RAB22A: variants seen among roughly 807,000 people sequenced by gnomAD.
RAB22A encodes RAB22A, member RAS oncogene family, also known as ras-related protein Rab-22A.
RAB22A carries 13 observed loss-of-function variants against 30.2 expected under a neutral mutation model. The observed-to-expected ratio is 0.43, with a 90% CI of 0.28 to 0.68. RAB22A has a LOEUF of 0.68. RAB22A is among the 30% of genes least tolerant of loss of function. RAB22A has a pLI of 0.18. For synonymous variants in RAB22A, 89 were observed against 87.2 expected (o/e 1.02, Z -0.11); for missense variants, 177 against 246.8 (o/e 0.72, Z 1.89).
At chr20:58,343,967 G>A (rs1251232076) in intron 3 of RAB22A, among the ~76,000 whole-genome samples, 168 bp downstream of exon 3, 2 of 152,120 alleles carry the variant, frequency 1.3e-5, no homozygotes, top group Non-Finnish European at 2.9e-5. Context: ...TTCAATTAGA[G>A]CCACAGAGTC....
chr20:58,362,744 G>A lies in RAB22A; in HGVS notation c.*3041G>A, dbSNP rs1987247223. On this transcript the variant is annotated 3_prime_UTR_variant, in exon 7 of 7. Coordinates refer to ENST00000244040, the MANE Select transcript of RAB22A (RefSeq NM_020673.3). ...AGAATAAGTTTTACACGAAGCAGGTGAAAGATTTAGTTCTTTTCAAAGTAA... is the reference window on the plus strand; with the variant it reads ...AGAATAAGTTTTACACGAAGCAGGTAAAAGATTTAGTTCTTTTCAAAGTAA... 1 of 152,240 alleles carries A rather than the reference G, an allele frequency of 6.6e-6. No individual in the cohort carries two copies. Among genetic ancestry groups the A allele is most frequent in the African/African-American group, 2.4e-5 (1 of 41,468 alleles). 9.4% of individuals were successfully genotyped at this position (152,240 alleles called of 1,614,324 possible).
At chr20:58,318,572 C>G (rs1284567080) in intron 2 of RAB22A, among the ~76,000 whole-genome samples, 1 of 151,082 alleles carries the variant, frequency 6.6e-6, no homozygotes, top group African/African-American at 2.4e-5. Context: ...TTTCCAAAAT[C>G]GGAAACACTT....
Position 58,359,640 on chromosome 20 carries a change from A to T in RAB22A, c.522A>T (p.Pro174=). 1 of 1,612,784 alleles carries T rather than the reference A, an allele frequency of 6.2e-7. No homozygotes were observed. The highest frequency in any genetic ancestry group is 2.2e-5 in the East Asian group (1 of 44,848). ...RRIPSTDANL[P]SGGKGFKLRR... is the part of the protein sequence containing the mutation. Reference sequence around the variant, plus strand: ...TTCCATCCACTGACGCCAACCTGCCATCTGGCGGTAAGGGCTTCAAACTCC... The same window carrying T: ...TTCCATCCACTGACGCCAACCTGCCTTCTGGCGGTAAGGGCTTCAAACTCC... The change falls in exon 7 of 7, where the codon CCA becomes CCT. Residue 174 remains proline, a synonymous_variant. Coordinates refer to ENST00000244040, the MANE Select transcript of RAB22A (RefSeq NM_020673.3).
intron 2 of RAB22A, among the ~76,000 whole-genome samples, chr20:58,317,354 C>G (rs564905994): frequency 6.6e-6 from 1 of 151,308 alleles, no homozygotes; most frequent in African/African-American, 2.4e-5. Context: ...ACCTTGGCCT[C>G]CCAAAGTGCT....
rs144505235 is a variant in RAB22A, at chr20:58,323,334, G to T, written c.116+12212G>T. 6.9e-3 allele frequency among the ~76,000 whole-genome samples: 1,056 copies of T among 152,012 alleles called. 11 individuals carry two copies. Among genetic ancestry groups the T allele is most frequent in the African/African-American group, 0.022 (904 of 41,472 alleles). On this transcript the variant is annotated intron_variant, in intron 2 of 6. Coordinates refer to ENST00000244040, the MANE Select transcript of RAB22A (RefSeq NM_020673.3). ...AATTGAAGTTATATCCAGTAACCTTGCTGAATTTATTCACTAATTTATAGA... is the reference window on the plus strand; with the variant it reads ...AATTGAAGTTATATCCAGTAACCTTTCTGAATTTATTCACTAATTTATAGA...
At chr20:58,328,899 C>T (rs1264962983) in intron 2 of RAB22A, among the ~76,000 whole-genome samples, 4 of 152,144 alleles carry the variant, frequency 2.6e-5, no homozygotes, top group African/African-American at 9.7e-5. Flanking sequence ...ATTAGCATTA[C>T]CATTGCTCTT....
chr20:58,331,912 G>A (rs899000474), intron 2 of RAB22A, among the ~76,000 whole-genome samples: 3 of 152,116 alleles, frequency 2.0e-5, no homozygotes, highest in Non-Finnish European at 4.4e-5. Flanking sequence ...ATCTACCACT[G>A]AACTCCTCTT....
chr20:58,312,491 TTTTTTTTTTTTTTTTG>T (rs1986249162), intron 2 of RAB22A, among the ~76,000 whole-genome samples: 4 of 113,258 alleles, frequency 3.5e-5, no homozygotes, highest in South Asian at 3.3e-4. Flanking sequence ...TTTTTTTTTT[TTTTTTTTTTTTTTTTG>T]AGGTGGAGTC....
chr20:58,332,242 T>C (rs776202975), intron 2 of RAB22A, among the ~76,000 whole-genome samples: 1 of 152,208 alleles, frequency 6.6e-6, no homozygotes. Context: ...CAATAAGTGA[T>C]AGACCATTCA....
intron 3 of RAB22A, among the ~76,000 whole-genome samples, chr20:58,351,358 C>A (rs991432442): frequency 6.6e-6 from 1 of 151,396 alleles, no homozygotes; most frequent in Non-Finnish European, 1.5e-5. Flanking sequence ...GAAAAATGTG[C>A]AGTATATATT....
chr20:58,314,440 C>T (rs1307579331), intron 2 of RAB22A, among the ~76,000 whole-genome samples: 1 of 152,204 alleles, frequency 6.6e-6, no homozygotes, highest in Non-Finnish European at 1.5e-5. Flanking sequence ...TGACAGGGAC[C>T]TGACCTGGGC....
chr20:58,354,204 A>T lies in RAB22A; in HGVS notation c.426A>T (p.Ala142=). ...AGGACTACGCCGACTCTATTCATGC[A>T]ATTTTTGTAGAGACCAGCGCAAAAA... ...DAKDYADSIH[A]IFVETSAKNA... Residue 142 remains alanine (A), a synonymous_variant, in exon 6 of 7, where the codon GCA becomes GCT. Transcript: ENST00000244040. 6.2e-7 allele frequency: 1 copy of T among 1,613,970 alleles called. No individual in the cohort carries two copies. Among genetic ancestry groups the T allele is most frequent in the Non-Finnish European group, 8.5e-7 (1 of 1,179,860 alleles).
At chr20:58,327,944 G>C (rs1000550818) in intron 2 of RAB22A, among the ~76,000 whole-genome samples, 1 of 152,172 alleles carries the variant, frequency 6.6e-6, no homozygotes, top group Admixed American at 6.5e-5. Context: ...TTTTGAACTA[G>C]ATGTTTTGCC....
chr20:58,344,534 G>C (rs1363107067), intron 3 of RAB22A, among the ~76,000 whole-genome samples: 1 of 152,150 alleles, frequency 6.6e-6, no homozygotes, highest in Non-Finnish European at 1.5e-5. Flanking sequence ...TGGGTACTAA[G>C]TCCAATTTCC....
chr20:58,311,212 G>A, intron 2 of RAB22A, 90 bp downstream of exon 2: 1 of 1,204,958 alleles, frequency 8.3e-7, no homozygotes, highest in Non-Finnish European at 1.2e-6. Flanking sequence ...CCTGCGCTTT[G>A]TAGTCATTGA....
chr20:58,322,844 T>C (rs1986486729), intron 2 of RAB22A, among the ~76,000 whole-genome samples: 1 of 152,194 alleles, frequency 6.6e-6, no homozygotes, highest in African/African-American at 2.4e-5. Context: ...TTTCTATCCT[T>C]GTGCCATTGT....
chr20:58,314,375 T>C (rs1381489674), intron 2 of RAB22A, among the ~76,000 whole-genome samples: 2 of 152,182 alleles, frequency 1.3e-5, no homozygotes, highest in African/African-American at 4.8e-5. Context: ...AGAAATGATT[T>C]ATTCAACCCT....
chr20:58,354,277 T>G lies in RAB22A; in HGVS notation c.487+12T>G. 14 of 1,566,288 alleles carry G rather than the reference T, an allele frequency of 8.9e-6. No individual in the cohort carries two copies. The highest frequency in any genetic ancestry group is 1.1e-5 in the Non-Finnish European group (13 of 1,140,112). On this transcript the variant is annotated intron_variant, in intron 6 of 6. Transcript: ENST00000244040. Reference sequence around the variant, plus strand: ...CTTTATAGAAATTAGTGAGTATCTCTGTGCCTTATCCATTTCCTCTGTAAA... The same window carrying G: ...CTTTATAGAAATTAGTGAGTATCTCGGTGCCTTATCCATTTCCTCTGTAAA...
At chr20:58,359,462 C>A in intron 6 of RAB22A, 144 bp from the exon 7 acceptor site, 1 of 542,014 alleles carries the variant, frequency 1.8e-6, no homozygotes, top group Non-Finnish European at 3.1e-6. Flanking sequence ...TTCTATAAAT[C>A]TAAAATTATT....
Sources: allele counts gnomAD v4.1 joint callset (sites outside exome capture counted in the v4.1 genomes callset), GRCh38; gene constraint gnomAD v4.1.1; transcripts MANE v1.5; gene names NCBI Gene and HGNC (gene_info 2026-07-23, HGNC 2026-07-21).